The following USP49 variants were observed in gnomAD, a reference collection of about 807,000 sequenced individuals.
The protein encoded by USP49 is ubiquitin carboxyl-terminal hydrolase 49.
In USP49, 24 loss-of-function variants were observed where a neutral mutation model predicts 58.6. That is an observed-to-expected ratio of 0.41 (90% confidence interval 0.30 to 0.58). The LOEUF (loss-of-function observed/expected upper bound fraction) is 0.58. USP49 is among the 20% of genes least tolerant of loss of function. USP49 has a pLI of 0.30. For synonymous variants in USP49, 408 were observed against 365.1 expected (o/e 1.12, Z -1.34); for missense variants, 703 against 866.1 (o/e 0.81, Z 2.36).
intron 3 of USP49, among the ~76,000 whole-genome samples, chr6:41,848,807 A>G (rs902332884): frequency 1.3e-5 from 2 of 151,586 alleles, no homozygotes; most frequent in African/African-American, 4.8e-5. Context: ...TTGAGCCAAG[A>G]TCGCGCCACT....
intron 3 of USP49, among the ~76,000 whole-genome samples, chr6:41,807,333 T>C (rs555220619): frequency 9.2e-5 from 14 of 152,276 alleles, no homozygotes; most frequent in African/African-American, 2.9e-4. Context: ...TTTAGGTCGA[T>C]TGCAATGTTT....
chr6:41,840,063 AATTG>A (rs1394889779), intron 3 of USP49, among the ~76,000 whole-genome samples: 1 of 152,040 alleles, frequency 6.6e-6, no homozygotes, highest in Admixed American at 6.6e-5. Flanking sequence ...CAGTATAATG[AATTG>A]ATTATTAACA....
chr6:41,872,663 C>T (rs1774432068), intron 2 of USP49, among the ~76,000 whole-genome samples: 1 of 151,622 alleles, frequency 6.6e-6, no homozygotes, highest in Non-Finnish European at 1.5e-5. Flanking sequence ...CTTTGGGAGG[C>T]CGAGACGGGC....
At chr6:41,810,476 C>T (rs1012249948) in intron 3 of USP49, among the ~76,000 whole-genome samples, 4 of 150,374 alleles carry the variant, frequency 2.7e-5, no homozygotes, top group Non-Finnish European at 5.9e-5. Flanking sequence ...GGGACAAGAG[C>T]GAGACTTCGT....
intron 3 of USP49, among the ~76,000 whole-genome samples, chr6:41,853,186 C>CA (rs998297000): frequency 6.7e-5 from 10 of 149,962 alleles, no homozygotes; most frequent in Admixed American, 2.0e-4. Flanking sequence ...AACTCCATCT[C>CA]AAAAAAAAAG....
At chr6:41,853,594 T>G (rs539539457) in intron 3 of USP49, among the ~76,000 whole-genome samples, 1 of 152,328 alleles carries the variant, frequency 6.6e-6, no homozygotes, top group East Asian at 1.9e-4. Flanking sequence ...ATGTAAGATC[T>G]CTGACCTCAG....
In USP49 at chr6:41,805,680, T is replaced by C. The variant is rs1341417653; in HGVS notation, c.1304A>G (p.Lys435Arg). ...GGTATTCACCACCTTTAAGACCTGT[T>C]TGGTGAGCTTCCTCTGGGAGAAGGG... ...LIPFSQRKLTKQVLKVVNTIF... is the reference protein window; with the variant it reads ...LIPFSQRKLTRQVLKVVNTIF... Residue 435 changes from lysine to arginine, a missense_variant, in exon 4 of 8, where the codon AAA becomes AGA. Physicochemically the swap from Lys to Arg is conservative, Grantham distance 26. Coordinates refer to ENST00000682992, the MANE Select transcript of USP49 (RefSeq NM_001286554.2). 6.2e-7 allele frequency: 1 copy of C among 1,614,072 alleles called. No homozygotes were observed. Among genetic ancestry groups the C allele is most frequent in the East Asian group, 2.2e-5 (1 of 44,866 alleles).
chr6:41,808,306 TC>T (rs1200039909), intron 3 of USP49, among the ~76,000 whole-genome samples: 1 of 151,794 alleles, frequency 6.6e-6, no homozygotes, highest in East Asian at 1.9e-4. Flanking sequence ...CAGTAGAACA[TC>T]CTAAGCATGT....
chr6:41,836,461 CAAGAT>C (rs1012685964), intron 3 of USP49, among the ~76,000 whole-genome samples: 1 of 152,072 alleles, frequency 6.6e-6, no homozygotes, highest in African/African-American at 2.4e-5. Context: ...AGAACTGGAA[CAAGAT>C]AAGAATGCTC....
intron 2 of USP49, among the ~76,000 whole-genome samples, chr6:41,882,972 G>A (rs977988755): frequency 1.4e-4 from 22 of 151,858 alleles, no homozygotes; most frequent in Non-Finnish European, 7.4e-5. Flanking sequence ...TGACATCCCA[G>A]AAGATGATAT....
At chr6:41,815,881 G>C (rs1376152247) in intron 3 of USP49, among the ~76,000 whole-genome samples, 1 of 152,172 alleles carries the variant, frequency 6.6e-6, no homozygotes, top group Non-Finnish European at 1.5e-5. Flanking sequence ...CAGATGTAAG[G>C]TTATGCCAGC....
intron 3 of USP49, among the ~76,000 whole-genome samples, chr6:41,813,627 C>T (rs1008101726): frequency 2.0e-5 from 3 of 152,194 alleles, no homozygotes; most frequent in Non-Finnish European, 2.9e-5. Flanking sequence ...CTCTCCTGCA[C>T]AGCCCTTTTC....
intron 3 of USP49, among the ~76,000 whole-genome samples, chr6:41,816,173 G>C (rs1773347024): frequency 6.6e-6 from 1 of 152,156 alleles, no homozygotes; most frequent in African/African-American, 2.4e-5. Flanking sequence ...GAGACACACA[G>C]ACAGACAGAC....
chr6:41,866,085 C>A (rs9357370), intron 3 of USP49, among the ~76,000 whole-genome samples: 35,810 of 151,408 alleles, frequency 0.24, 4,395 homozygotes, highest in Middle Eastern at 0.29. Flanking sequence ...CCACGTCCCA[C>A]CAATTTTTGT....
At chr6:41,836,098 C>CA (rs1424854353) in intron 3 of USP49, among the ~76,000 whole-genome samples, 5 of 151,734 alleles carry the variant, frequency 3.3e-5, no homozygotes, top group African/African-American at 1.2e-4. Flanking sequence ...AAATACAATA[C>CA]AAATTGAGTA....
At chr6:41,871,209 T>C (rs553470869) in intron 3 of USP49, among the ~76,000 whole-genome samples, 6 of 152,156 alleles carry the variant, frequency 3.9e-5, no homozygotes, top group East Asian at 3.9e-4. Flanking sequence ...GCAACTGACA[T>C]ATTTGGAGAA....
intron 5 of USP49, among the ~76,000 whole-genome samples, chr6:41,800,579 G>T (rs1451002931): frequency 1.3e-5 from 2 of 152,152 alleles, no homozygotes; most frequent in Non-Finnish European, 2.9e-5. Context: ...CTTCAATTAT[G>T]ATACCCCACA....
Position 41,805,831 on chromosome 6 carries a change from C to A in USP49, c.1153G>T (p.Val385Leu), listed in dbSNP as rs1448694142. Residue 385 changes from valine (V) to leucine (L), a missense_variant, in exon 4 of 8, where the codon GTG becomes TTG. Coordinates refer to ENST00000682992, the MANE Select transcript of USP49 (RefSeq NM_001286554.2). The part of the protein sequence containing the change: ...LVSPFAMLHS[V>L]WSLIPAFRGY... The stretch of plus-strand genomic sequence containing the variant: ...CGGAAGGCAGGGATCAGGCTCCACA[C>A]TGAGTGGAGCATGGCGAAGGGCGAC... 1 of 1,614,054 alleles carries A rather than the reference C, an allele frequency of 6.2e-7. No individual in the cohort carries two copies. Among genetic ancestry groups the A allele is most frequent in the Non-Finnish European group, 8.5e-7 (1 of 1,180,016 alleles).
At chr6:41,836,829 T>G (rs1314526259) in intron 3 of USP49, among the ~76,000 whole-genome samples, 1 of 151,372 alleles carries the variant, frequency 6.6e-6, no homozygotes, top group Non-Finnish European at 1.5e-5. Flanking sequence ...ATGAAGAGTA[T>G]GATCTCATTC....
Sources: allele counts gnomAD v4.1 joint callset (sites outside exome capture counted in the v4.1 genomes callset), GRCh38; gene constraint gnomAD v4.1.1; transcripts MANE v1.5; gene names NCBI Gene and HGNC (gene_info 2026-07-23, HGNC 2026-07-21).